The following HCN1 variants were observed in gnomAD, a reference collection of about 807,000 sequenced individuals.
HCN1 encodes hyperpolarization activated cyclic nucleotide gated potassium channel 1.
In HCN1, 13 loss-of-function variants were observed where a neutral mutation model predicts 78.9. The ratio of observed to expected loss-of-function variants is 0.16; its 90% CI spans 0.11 to 0.26. The LOEUF (loss-of-function observed/expected upper bound fraction) is 0.26. HCN1 is among the 10% of genes least tolerant of loss of function. The probability of loss-of-function intolerance (pLI) is 1.00; values close to 1 mark genes in which losing one functional copy is unlikely to be tolerated. For missense variants in HCN1, 810 were observed against 1,154.3 expected (o/e 0.70, Z 4.32); for synonymous variants, 552 against 455.5 (o/e 1.21, Z -2.70).
intron 2 of HCN1, among the ~76,000 whole-genome samples, chr5:45,631,571 A>G (rs902139141): frequency 6.6e-6 from 1 of 152,108 alleles, no homozygotes; most frequent in African/African-American, 2.4e-5. Flanking sequence ...ATATTGAAAA[A>G]AAAATTGTCT....
At chr5:45,620,609 A>T (rs1045679499) in intron 2 of HCN1, among the ~76,000 whole-genome samples, 1 of 151,964 alleles carries the variant, frequency 6.6e-6, no homozygotes, top group African/African-American at 2.4e-5. Flanking sequence ...GTTCTGTTAT[A>T]TAAATTCATT....
In HCN1 at chr5:45,258,851, A is replaced by T. The variant is rs1034641792; in HGVS notation, c.*3070T>A. 6.6e-6 allele frequency: 1 copy of T among 152,048 alleles called. No individual in the cohort carries two copies. Among genetic ancestry groups the T allele is most frequent in the African/African-American group, 2.4e-5 (1 of 41,440 alleles). The allele number at this position is 152,048 out of a possible 1,614,324, so 9.4% of individuals were successfully genotyped here. On this transcript the variant is annotated 3_prime_UTR_variant, in exon 8 of 8. Coordinates refer to ENST00000303230, the MANE Select transcript of HCN1 (RefSeq NM_021072.4). Reference sequence around the variant, plus strand: ...TATTATAACAAAATAGGTATGTCATAGAACTATTATAACAAAATAGGTTTG... The same window carrying T: ...TATTATAACAAAATAGGTATGTCATTGAACTATTATAACAAAATAGGTTTG...
chr5:45,546,084 G>A (rs1329080133), intron 2 of HCN1, among the ~76,000 whole-genome samples: 1 of 151,936 alleles, frequency 6.6e-6, no homozygotes, highest in Non-Finnish European at 1.5e-5. Context: ...AGCCTACAAT[G>A]TTACATTATA....
At chr5:45,632,868 G>A (rs1378647585) in intron 2 of HCN1, among the ~76,000 whole-genome samples, 1 of 152,022 alleles carries the variant, frequency 6.6e-6, no homozygotes, top group Non-Finnish European at 1.5e-5. Context: ...TATACTCATG[G>A]AAAATGTGAA....
intron 5 of HCN1, among the ~76,000 whole-genome samples, chr5:45,323,532 GACAA>G (rs1746169036): frequency 6.6e-6 from 1 of 151,634 alleles, no homozygotes; most frequent in South Asian, 2.1e-4. Flanking sequence ...AATTCAACAA[GACAA>G]ACATAGAGTA....
At chr5:45,472,217 C>G (rs551394537) in intron 2 of HCN1, among the ~76,000 whole-genome samples, 6 of 151,938 alleles carry the variant, frequency 3.9e-5, no homozygotes, top group African/African-American at 1.2e-4. Context: ...GGTATACTAC[C>G]TTCCATCCTA....
At chr5:45,618,144 T>A (rs1430250199) in intron 2 of HCN1, among the ~76,000 whole-genome samples, 1 of 151,988 alleles carries the variant, frequency 6.6e-6, no homozygotes, top group Non-Finnish European at 1.5e-5. Context: ...AAGCAATCAA[T>A]AATACTAATA....
chr5:45,370,452 A>G (rs549776205), intron 4 of HCN1, among the ~76,000 whole-genome samples: 1 of 152,056 alleles, frequency 6.6e-6, no homozygotes, highest in Non-Finnish European at 1.5e-5. Flanking sequence ...CATAGTAGAA[A>G]ACAGCACATA....
At chr5:45,664,384 C>A (rs1263237973) in intron 1 of HCN1, among the ~76,000 whole-genome samples, 1 of 143,240 alleles carries the variant, frequency 7.0e-6, no homozygotes, top group Middle Eastern at 3.5e-3. Context: ...GTGCAGCGCA[C>A]CAGCATGGCA....
At chr5:45,317,493 T>C (rs374059124) in intron 5 of HCN1, among the ~76,000 whole-genome samples, 5,582 of 104,548 alleles carry the variant, frequency 0.053, no homozygotes, top group African/African-American at 0.17. Flanking sequence ...CCATTCAGGA[T>C]ATAGGAATGG....
intron 2 of HCN1, among the ~76,000 whole-genome samples, chr5:45,619,314 C>T (rs1745015146): frequency 6.6e-6 from 1 of 151,996 alleles, no homozygotes. Context: ...AAATACTGTT[C>T]TTCAACAAAA....
chr5:45,295,070 C>A (rs910001806), intron 6 of HCN1, among the ~76,000 whole-genome samples: 24 of 151,882 alleles, frequency 1.6e-4, no homozygotes, highest in Non-Finnish European at 3.2e-4. Context: ...TCAAAACCAT[C>A]ACTCCTTGAG....
At chr5:45,587,979 C>G (rs1744270372) in intron 2 of HCN1, among the ~76,000 whole-genome samples, 1 of 152,062 alleles carries the variant, frequency 6.6e-6, no homozygotes, top group Admixed American at 6.6e-5. Flanking sequence ...CAGTCTACAA[C>G]CCAGAAAAGG....
intron 2 of HCN1, among the ~76,000 whole-genome samples, chr5:45,592,983 G>C (rs754100284): frequency 2.0e-5 from 3 of 152,072 alleles, no homozygotes; most frequent in Non-Finnish European, 4.4e-5. Context: ...AAATACAATA[G>C]CCAGTAATGT....
intron 3 of HCN1, among the ~76,000 whole-genome samples, chr5:45,422,388 A>G (rs149802827): frequency 1.3e-5 from 2 of 152,282 alleles, no homozygotes; most frequent in Non-Finnish European, 2.9e-5. Context: ...TAGAGGTGTC[A>G]GCTACGAATC....
chr5:45,695,571 GCCCTCCTAGTC>G, intron 1 of HCN1, 87 bp downstream of exon 1: 13 of 924,736 alleles, frequency 1.4e-5, no homozygotes, highest in Middle Eastern at 3.6e-4. Context: ...CCCCCCGCCC[GCCCTCCTAGTC>G]CCCGGGACGC....
intron 2 of HCN1, among the ~76,000 whole-genome samples, chr5:45,632,043 T>A (rs1745277124): frequency 1.3e-5 from 2 of 152,142 alleles, no homozygotes; most frequent in South Asian, 4.1e-4. Flanking sequence ...TTTAGTCATC[T>A]CCTTAATTGC....
chr5:45,689,690 G>T (rs938774977), intron 1 of HCN1, among the ~76,000 whole-genome samples: 1 of 152,082 alleles, frequency 6.6e-6, no homozygotes, highest in Non-Finnish European at 1.5e-5. Flanking sequence ...ATGTAATGAG[G>T]CTGCATATAT....
At chr5:45,420,536 G>A (rs1034938140) in intron 3 of HCN1, among the ~76,000 whole-genome samples, 10 of 152,122 alleles carry the variant, frequency 6.6e-5, no homozygotes, top group Non-Finnish European at 1.2e-4. Context: ...GAGGTCTTCC[G>A]GAGAGTGATC....
Sources: gnomAD v4.1 joint callset for allele counts (sites outside exome capture counted in the v4.1 genomes callset) on GRCh38, gnomAD v4.1.1 for gene constraint, MANE v1.5 for transcripts, NCBI Gene and HGNC (gene_info 2026-07-23, HGNC 2026-07-21) for gene names.